The following RYR2 variants were observed in gnomAD, a reference collection of about 807,000 sequenced individuals.
RYR2 encodes the protein ryanodine receptor 2.
In RYR2, 227 loss-of-function variants were observed where a neutral mutation model predicts 601.1. The observed-to-expected ratio is 0.38, with a 90% CI of 0.34 to 0.42. The LOEUF (loss-of-function observed/expected upper bound fraction) is 0.42. Ranked by LOEUF, RYR2 falls within the 10% of genes least tolerant of loss-of-function variation. The pLI, the probability that RYR2 is intolerant of heterozygous loss-of-function variation, is 1.00. For missense variants in RYR2, 4,646 were observed against 6,156.5 expected (o/e 0.75, Z 8.21); for synonymous variants, 2,223 against 2,175.1 (o/e 1.02, Z -0.61).
chr1:237,251,314 C>T (rs1445435084), intron 1 of RYR2, among the ~76,000 whole-genome samples: 1 of 152,138 alleles, frequency 6.6e-6, no homozygotes, highest in Non-Finnish European at 1.5e-5. Flanking sequence ...TCTTAAGTCC[C>T]CTCCATTCTG....
At chr1:237,567,108 T>C (rs1672165110) in intron 28 of RYR2, among the ~76,000 whole-genome samples, 2 of 21,486 alleles carry the variant, frequency 9.3e-5, no homozygotes, top group Admixed American at 1.9e-3. Context: ...TAAGCTATAA[T>C]TAGTGGTTTG....
chr1:237,077,650 G>C (rs1478187190), intron 1 of RYR2, among the ~76,000 whole-genome samples: 1 of 136,872 alleles, frequency 7.3e-6, no homozygotes, highest in East Asian at 2.3e-4. Context: ...CCTACAAAGA[G>C]ACTTAGACTC....
intron 17 of RYR2, among the ~76,000 whole-genome samples, chr1:237,482,157 C>A (rs139389635): frequency 1.2e-4 from 19 of 152,256 alleles, no homozygotes; most frequent in African/African-American, 2.6e-4. Context: ...TATCCATCCC[C>A]TTTCAAGCAT....
intron 7 of RYR2, among the ~76,000 whole-genome samples, chr1:237,376,240 G>A (rs1176376401): frequency 6.6e-6 from 1 of 152,146 alleles, no homozygotes; most frequent in African/African-American, 2.4e-5. Context: ...TGTAAGAAAA[G>A]CAAGTTAGAC....
At chr1:237,508,882 A>G (rs576838612) in intron 23 of RYR2, among the ~76,000 whole-genome samples, 6 of 150,212 alleles carry the variant, frequency 4.0e-5, no homozygotes, top group African/African-American at 9.8e-5. Context: ...AGCTGGGACT[A>G]CAGGCGCCCG....
intron 84 of RYR2, among the ~76,000 whole-genome samples, chr1:237,766,848 G>T (rs1693885592): frequency 6.6e-6 from 1 of 152,118 alleles, no homozygotes; most frequent in South Asian, 2.1e-4. Flanking sequence ...CATTTTCGTT[G>T]TCTTGGCATC....
At chr1:237,661,644 G>C (rs651250) in intron 56 of RYR2, among the ~76,000 whole-genome samples, 29,682 of 152,076 alleles carry the variant, frequency 0.2, 3,457 homozygotes, top group East Asian at 0.44. Context: ...TTGATTCTTA[G>C]GAAAGAGTAG....
At chr1:237,627,695 C>A in intron 40 of RYR2, 112 bp from the exon 41 acceptor site, 2 of 1,118,566 alleles carry the variant, frequency 1.8e-6, no homozygotes, top group Non-Finnish European at 2.5e-6. Context: ...CCTTTTCAAG[C>A]CTGGTACAAA....
chr1:237,522,052 G>T (rs931415753), intron 24 of RYR2, among the ~76,000 whole-genome samples: 1 of 152,106 alleles, frequency 6.6e-6, no homozygotes, highest in Middle Eastern at 3.2e-3. Flanking sequence ...CATGTGCCAT[G>T]TTGGTGTGCT....
chr1:237,605,357 T>A (rs1383220156), intron 35 of RYR2, among the ~76,000 whole-genome samples: 1 of 152,120 alleles, frequency 6.6e-6, no homozygotes, highest in Non-Finnish European at 1.5e-5. Flanking sequence ...AAAAGGCCTT[T>A]GACAAAATTC....
At position 237,671,274 on chromosome 1, in the gene RYR2, G is replaced by C. The variant is rs531766505; in HGVS notation, c.8591-2822G>C. On this transcript the variant is annotated intron_variant, in intron 58 of 104. Transcript: ENST00000366574. The stretch of plus-strand genomic sequence containing the variant: ...TTAGGTTATTGAGATTAGCAAACCA[G>C]AGAAATGAGTCTTGGGCATAGAAGA... Among the ~76,000 whole-genome samples, 8 of 152,304 alleles carry C rather than the reference G, an allele frequency of 5.3e-5. No homozygotes were observed. The South Asian group carries it at 1.7e-3, about 32-fold the overall frequency.
intron 2 of RYR2, among the ~76,000 whole-genome samples, chr1:237,285,200 T>C (rs567338324): frequency 6.6e-6 from 1 of 152,312 alleles, no homozygotes; most frequent in African/African-American, 2.4e-5. Flanking sequence ...TTAAGGTATG[T>C]CCCTTGTATG....
chr1:237,761,742 T>G (rs1693453957), intron 84 of RYR2, among the ~76,000 whole-genome samples: 1 of 152,210 alleles, frequency 6.6e-6, no homozygotes, highest in African/African-American at 2.4e-5. Context: ...GTTTTTGGTT[T>G]GATTTGTTTT....
At chr1:237,674,073 T>A in intron 58 of RYR2, 23 bp from the exon 59 acceptor site, 1 of 1,600,866 alleles carries the variant, frequency 6.2e-7, no homozygotes, top group Non-Finnish European at 8.5e-7. Context: ...CTATGCTGTG[T>A]TCTTGTCCTG....
chr1:237,566,099 T>G (rs1375304366), intron 27 of RYR2, among the ~76,000 whole-genome samples: 1 of 152,220 alleles, frequency 6.6e-6, no homozygotes, highest in Non-Finnish European at 1.5e-5. Context: ...CTCCACTGTT[T>G]ACAACTTTCC....
Position 237,569,310 on chromosome 1 carries a change from G to A in RYR2, c.3589G>A (p.Val1197Ile), listed in dbSNP as rs1285752997. 1 of 1,613,590 alleles carries A rather than the reference G, an allele frequency of 6.2e-7. No homozygotes were observed. The highest frequency in any genetic ancestry group is 1.7e-5 in the Admixed American group (1 of 59,974). The change falls in exon 29 of 105, where the codon GTT (valine) becomes ATT (isoleucine). Residue 1197 changes from valine to isoleucine, a missense_variant. Transcript: ENST00000366574. ...GSELAFKDFD[V>I]GDGFIPVCSL... The stretch of plus-strand genomic sequence containing the variant: ...AGAACTGGCTTTCAAGGACTTTGAT[G>A]TTGGCGATGGTAAGTCTACTATGTT...
intron 1 of RYR2, among the ~76,000 whole-genome samples, chr1:237,177,423 T>G (rs1678177217): frequency 6.6e-6 from 1 of 152,236 alleles, no homozygotes; most frequent in South Asian, 2.1e-4. Flanking sequence ...TCACAATTCC[T>G]ACTTCCCAAC....
chr1:237,786,733 T>G (rs1470396701), intron 91 of RYR2, among the ~76,000 whole-genome samples: 1 of 152,244 alleles, frequency 6.6e-6, no homozygotes, highest in Admixed American at 6.5e-5. Flanking sequence ...TACGCACATT[T>G]GAAAAGTTGG....
At chr1:237,477,192 A>T (rs1661508036) in intron 17 of RYR2, among the ~76,000 whole-genome samples, 1 of 152,128 alleles carries the variant, frequency 6.6e-6, no homozygotes, top group African/African-American at 2.4e-5. Flanking sequence ...AGAGATGGAG[A>T]CCATCCTGGC....
Sources: gnomAD v4.1 joint callset for allele counts (sites outside exome capture counted in the v4.1 genomes callset) on GRCh38, gnomAD v4.1.1 for gene constraint, MANE v1.5 for transcripts, NCBI Gene and HGNC (gene_info 2026-07-23, HGNC 2026-07-21) for gene names.